The following ARK2C variants were observed in gnomAD, a reference collection of about 807,000 sequenced individuals.
ARK2C encodes arkadia (RNF111) C-terminal like ring finger ubiquitin ligase 2C.
At chr18:46,460,098 C>T in the ARK2C span, 1 of 152,772 alleles carries the variant, frequency 6.5e-6, no homozygotes, top group Admixed American at 6.5e-5. Flanking sequence ...TGTGGCAGGA[C>T]TCAAGCTCCT....
At chr18:46,394,192 G>A in the ARK2C span, among the ~76,000 whole-genome samples, 2 of 152,184 alleles carry the variant, frequency 1.3e-5, no homozygotes, top group Non-Finnish European at 2.9e-5. Flanking sequence ...TTTACACAGG[G>A]CAAAAACAAG....
the ARK2C span, among the ~76,000 whole-genome samples, chr18:46,442,286 C>T: frequency 6.6e-6 from 1 of 152,042 alleles, no homozygotes; most frequent in South Asian, 2.1e-4. Flanking sequence ...TATTTGGGCT[C>T]TAGCTTCTTA....
chr18:46,335,463 T>A, the ARK2C span: 1 of 152,174 alleles, frequency 6.6e-6, no homozygotes, highest in East Asian at 1.9e-4. Context: ...TTTAGATTCA[T>A]TTTTTTTCTT....
the ARK2C span, among the ~76,000 whole-genome samples, chr18:46,368,387 A>T: frequency 6.6e-6 from 1 of 152,180 alleles, no homozygotes; most frequent in African/African-American, 2.4e-5. Context: ...CTAAACCCCC[A>T]GAACCACTGG....
At chr18:46,360,350 G>A in the ARK2C span, among the ~76,000 whole-genome samples, 2 of 152,216 alleles carry the variant, frequency 1.3e-5, no homozygotes, top group African/African-American at 4.8e-5. Context: ...CTGCAACAGT[G>A]CAGGTGCTCC....
the ARK2C span, chr18:46,447,723 C>G: frequency 3.1e-5 from 50 of 1,613,950 alleles, no homozygotes; most frequent in African/African-American, 5.6e-4. Flanking sequence ...TCCCTTGCGC[C>G]TATTGAGTGC....
chr18:46,374,368 TTC>T, the ARK2C span, among the ~76,000 whole-genome samples: 4 of 152,114 alleles, frequency 2.6e-5, no homozygotes, highest in African/African-American at 9.7e-5. Flanking sequence ...CTCCAGAACT[TTC>T]TCACCTACCC....
chr18:46,452,488 C>T, the ARK2C span, among the ~76,000 whole-genome samples: 3,848 of 152,212 alleles, frequency 0.025, 81 homozygotes, highest in Middle Eastern at 0.048. Flanking sequence ...CCATGTTGCC[C>T]AGGCTGGTCT....
At chr18:46,341,242 C>G in the ARK2C span, among the ~76,000 whole-genome samples, 1 of 138,622 alleles carries the variant, frequency 7.2e-6, no homozygotes, top group African/African-American at 2.7e-5. Context: ...TTTGGGAGCT[C>G]TGAGGGGAGA....
the ARK2C span, among the ~76,000 whole-genome samples, chr18:46,413,611 A>T: frequency 1.3e-5 from 2 of 151,904 alleles, no homozygotes; most frequent in African/African-American, 2.4e-5. Flanking sequence ...TGGGAAGAGG[A>T]GTGGGAGACA....
the ARK2C span, among the ~76,000 whole-genome samples, chr18:46,440,904 G>A: frequency 6.6e-6 from 1 of 151,656 alleles, no homozygotes; most frequent in East Asian, 1.9e-4. Flanking sequence ...TTTTATATCA[G>A]TGCACTGCTT....
chr18:46,360,741 C>T, the ARK2C span, among the ~76,000 whole-genome samples: 1 of 152,166 alleles, frequency 6.6e-6, no homozygotes, highest in South Asian at 2.1e-4. Context: ...GCAGGCCCCC[C>T]TTGCCCTCTA....
the ARK2C span, among the ~76,000 whole-genome samples, chr18:46,373,393 G>A: frequency 6.6e-6 from 1 of 152,224 alleles, no homozygotes; most frequent in Admixed American, 6.5e-5. Flanking sequence ...GGAGGGACTG[G>A]GCAAGAGTCA....
At chr18:46,356,914 C>T in the ARK2C span, among the ~76,000 whole-genome samples, 1 of 152,146 alleles carries the variant, frequency 6.6e-6, no homozygotes, top group Non-Finnish European at 1.5e-5. Context: ...CAGATGGAGC[C>T]CCGGCTGGAA....
the ARK2C span, among the ~76,000 whole-genome samples, chr18:46,384,994 G>A: frequency 2.9e-4 from 44 of 152,336 alleles, no homozygotes; most frequent in Admixed American, 6.5e-4. Flanking sequence ...CTTTGTGCCC[G>A]TAGACAGTAT....
chr18:46,352,710 C>T, the ARK2C span, among the ~76,000 whole-genome samples: 1 of 152,180 alleles, frequency 6.6e-6, no homozygotes, highest in African/African-American at 2.4e-5. Context: ...GCACAAGCCA[C>T]CCCCACTCAC....
At chr18:46,456,415 C>T in the ARK2C span, 1 of 821,238 alleles carries the variant, frequency 1.2e-6, no homozygotes, top group East Asian at 2.4e-5. Context: ...CACAGCCTCC[C>T]TCCATAGCCG....
chr18:46,456,908 G>A, the ARK2C span: 5 of 443,664 alleles, frequency 1.1e-5, no homozygotes, highest in Non-Finnish European at 2.1e-5. Flanking sequence ...GGAAGGAGGG[G>A]CCCAGGCTGC....
the ARK2C span, chr18:46,433,515 G>T: frequency 6.3e-7 from 1 of 1,586,738 alleles, no homozygotes; most frequent in African/African-American, 1.3e-5. Context: ...GGTTGGTGCT[G>T]CCTGGGGCGG....
Sources: gnomAD v4.1 joint callset for allele counts (sites outside exome capture counted in the v4.1 genomes callset) on GRCh38, gnomAD v4.1.1 for gene constraint, MANE v1.5 for transcripts, NCBI Gene and HGNC (gene_info 2026-07-23, HGNC 2026-07-21) for gene names.